The following NF1 variants were observed in gnomAD, a reference collection of about 807,000 sequenced individuals.
The protein encoded by NF1 is neurofibromin.
Under a neutral mutation model 325.7 loss-of-function variants are expected in NF1, and 122 were observed. The ratio of observed to expected loss-of-function variants is 0.37; its 90% confidence interval spans 0.32 to 0.44. NF1 has a LOEUF of 0.44. Among genes scored for constraint, NF1 ranks in the 20% least tolerant of loss-of-function variants. NF1 has a pLI of 1.00. For synonymous variants in NF1, 1,091 were observed against 1,186.0 expected (o/e 0.92, Z 1.65); for missense variants, 2,140 against 3,415.4 (o/e 0.63, Z 9.31).
chr17:31,158,635 T>G (rs1284095452), intron 2 of NF1, among the ~76,000 whole-genome samples: 2 of 152,184 alleles, frequency 1.3e-5, no homozygotes, highest in Non-Finnish European at 2.9e-5. Context: ...TGCTATAGCA[T>G]GTTTTTGCTA....
intron 1 of NF1, among the ~76,000 whole-genome samples, chr17:31,112,166 G>A (rs1028656230): frequency 1.3e-5 from 2 of 152,058 alleles, no homozygotes; most frequent in African/African-American, 4.8e-5. Context: ...TATATCATAA[G>A]TTGTTTATCC....
chr17:31,276,452 A>G (rs1254580662), intron 36 of NF1, among the ~76,000 whole-genome samples: 2 of 152,180 alleles, frequency 1.3e-5, no homozygotes, highest in African/African-American at 4.8e-5. Context: ...AATGTGGATC[A>G]TAATGCACAT....
At chr17:31,289,015 A>G (rs953971241) in intron 36 of NF1, among the ~76,000 whole-genome samples, 4 of 152,206 alleles carry the variant, frequency 2.6e-5, no homozygotes, top group East Asian at 3.8e-4. Context: ...TTGTTAGCCA[A>G]CTAGTCACAT....
intron 49 of NF1, among the ~76,000 whole-genome samples, chr17:31,349,498 G>T (rs144181532): frequency 6.6e-6 from 1 of 152,080 alleles, no homozygotes; most frequent in Non-Finnish European, 1.5e-5. Context: ...CACTACAGTG[G>T]CTCTCTGTTA....
At position 31,280,467 on chromosome 17, in the gene NF1, G is replaced by C. The variant is rs2068095127; in HGVS notation, c.4835+15128G>C. ...GGGAGGCAGAGGTTGCAGTGAACCG[G>C]GATCGCGCCACTGCACTCCAGCCTG... On this transcript the variant is annotated intron_variant, in intron 36 of 57. Coordinates refer to ENST00000358273, the MANE Select transcript of NF1 (RefSeq NM_001042492.3). Among the ~76,000 whole-genome samples, 3 of 143,600 alleles carry C rather than the reference G, an allele frequency of 2.1e-5. No homozygotes were observed. The Admixed American group carries it at 2.1e-4, about 10-fold the overall frequency. 94.2% of individuals were successfully genotyped at this position (143,600 alleles called of 152,430 possible).
At position 31,173,226 on chromosome 17, in the gene NF1, C is replaced by T. The variant is rs201114067; in HGVS notation, c.586+3229C>T. 2.0e-4 allele frequency among the ~76,000 whole-genome samples: 31 copies of T among 152,118 alleles called. No individual in the cohort carries two copies. In the East Asian group the frequency reaches 5.6e-3, roughly 28 times the overall value. On this transcript the variant is annotated intron_variant, in intron 5 of 57. Coordinates refer to ENST00000358273, the MANE Select transcript of NF1 (RefSeq NM_001042492.3). ...GGTCAGGAGACCATCCTGGCTAACACGGTGAAACACTGTCTCTACTAGAAA... is the reference window on the plus strand; with the variant it reads ...GGTCAGGAGACCATCCTGGCTAACATGGTGAAACACTGTCTCTACTAGAAA...
At chr17:31,210,223 T>C (rs1229585127) in intron 12 of NF1, among the ~76,000 whole-genome samples, 1 of 152,180 alleles carries the variant, frequency 6.6e-6, no homozygotes, top group Non-Finnish European at 1.5e-5. Context: ...CTGATACATA[T>C]TGGGCATTTA....
At chr17:31,246,661 CTAGT>C (rs1477651871) in intron 29 of NF1, among the ~76,000 whole-genome samples, 1 of 151,962 alleles carries the variant, frequency 6.6e-6, no homozygotes, top group Non-Finnish European at 1.5e-5. Flanking sequence ...TCAGATTAGG[CTAGT>C]TAGAGAGTAA....
At chr17:31,231,904 G>A (rs2151433327) in intron 24 of NF1, among the ~76,000 whole-genome samples, 169 bp from the exon 25 acceptor site, 1 of 152,156 alleles carries the variant, frequency 6.6e-6, no homozygotes, top group Middle Eastern at 3.4e-3. Context: ...TGTATTCTGG[G>A]ATCTGCATAT....
At chr17:31,182,149 A>T (rs527768014) in intron 7 of NF1, among the ~76,000 whole-genome samples, 1 of 152,340 alleles carries the variant, frequency 6.6e-6, no homozygotes, top group East Asian at 1.9e-4. Context: ...CACAACTGCA[A>T]GGCAGAGAAT....
At position 31,327,907 on chromosome 17, in the gene NF1, G is replaced by T. The variant is rs1043585272; in HGVS notation, c.5609+68G>T. 13 of 1,447,118 alleles carry T rather than the reference G, an allele frequency of 9.0e-6. No homozygotes were observed. The African/African-American group carries it at 1.4e-4, about 16-fold the overall frequency. 89.6% of individuals were successfully genotyped at this position (1,447,118 alleles called of 1,614,324 possible). A position where few individuals can be genotyped will look rare whatever the true frequency, so the allele number is the denominator to read the frequency against. On this transcript the variant is annotated intron_variant, in intron 38 of 57. Transcript: ENST00000358273. ...TGCTTTTAAAATGAGACCATTTAATGAATTTTAAAACAGCCTCTACCTTAA... is the reference window on the plus strand; with the variant it reads ...TGCTTTTAAAATGAGACCATTTAATTAATTTTAAAACAGCCTCTACCTTAA...
At chr17:31,255,819 A>G (rs965570325) in intron 31 of NF1, among the ~76,000 whole-genome samples, 3 of 152,190 alleles carry the variant, frequency 2.0e-5, no homozygotes, top group Admixed American at 6.5e-5. Context: ...GATGATAACC[A>G]TTACAAATTT....
At chr17:31,257,134 A>C (rs187429345) in intron 31 of NF1, among the ~76,000 whole-genome samples, 1 of 152,276 alleles carries the variant, frequency 6.6e-6, no homozygotes, top group East Asian at 1.9e-4. Context: ...GTCATAAATT[A>C]TGACAGGAAA....
rs1421221055 is a variant in NF1 at position 31,244,269 on chromosome 17, G to A, written c.3975-4715G>A. ...CTCTGTTGGAGCTACAAGCTGAGCTGAGCTGCCTGGGTTTGGGAGAGGGGT... is the reference window on the plus strand; with the variant it reads ...CTCTGTTGGAGCTACAAGCTGAGCTAAGCTGCCTGGGTTTGGGAGAGGGGT... On this transcript the variant is annotated intron_variant, in intron 29 of 57. Transcript: ENST00000358273. Among the ~76,000 whole-genome samples the A allele has an allele frequency of 3.3e-5, 5 of 152,290 alleles. No individual in the cohort carries two copies. In the East Asian group the frequency reaches 9.7e-4, roughly 29 times the overall value.
At chr17:31,263,097 A>G (rs2067717690) in intron 35 of NF1, among the ~76,000 whole-genome samples, 1 of 97,172 alleles carries the variant, frequency 1.0e-5, no homozygotes, top group Admixed American at 9.8e-5. Context: ...GTAGGTAGGT[A>G]GGTAGGTAGG....
intron 12 of NF1, among the ~76,000 whole-genome samples, chr17:31,211,165 A>G (rs1022146402): frequency 1.3e-5 from 2 of 152,220 alleles, no homozygotes; most frequent in South Asian, 2.1e-4. Flanking sequence ...CTTCCCAGAC[A>G]TGATTGCCTC....
intron 1 of NF1, among the ~76,000 whole-genome samples, chr17:31,147,430 TTTTAAAAACCA>T (rs1186902154): frequency 6.6e-6 from 1 of 152,240 alleles, no homozygotes; most frequent in East Asian, 1.9e-4. Flanking sequence ...CTATACCAGT[TTTTAAAAACCA>T]TTTCTGCTAT....
At chr17:31,356,643 A>G (rs2070277719) in intron 52 of NF1, 61 bp downstream of exon 52, 1 of 1,602,348 alleles carries the variant, frequency 6.2e-7, no homozygotes, top group Non-Finnish European at 8.5e-7. Flanking sequence ...CATGAAAGTC[A>G]TGTTTATTTT....
chr17:31,362,006 C>CT (rs113700087), intron 57 of NF1, among the ~76,000 whole-genome samples: 12 of 152,278 alleles, frequency 7.9e-5, no homozygotes, highest in African/African-American at 2.6e-4. Flanking sequence ...CCCTCTGCCA[C>CT]TAACTCTCTA....
Sources: allele counts gnomAD v4.1 joint callset (sites outside exome capture counted in the v4.1 genomes callset), GRCh38; gene constraint gnomAD v4.1.1; transcripts MANE v1.5; gene names NCBI Gene and HGNC (gene_info 2026-07-23, HGNC 2026-07-21).